Variants in GBE1 observed in about 807,000 individuals in gnomAD.
The protein encoded by GBE1 is 1,4-alpha-glucan-branching enzyme.
A neutral mutation model predicts 88.8 loss-of-function variants in GBE1; 70 were observed. The observed-to-expected ratio is 0.79, with a 90% CI of 0.65 to 0.96. The LOEUF is 0.96. GBE1 is among the 40% of genes least tolerant of loss of function. GBE1 has a pLI of 0.00. For synonymous variants in GBE1, 284 were observed against 300.1 expected (o/e 0.95, Z 0.56); for missense variants, 872 against 871.0 (o/e 1.00, Z -0.01).
intron 15 of GBE1, among the ~76,000 whole-genome samples, chr3:81,495,971 C>T (rs1294380442): frequency 2.0e-5 from 3 of 152,106 alleles, no homozygotes; most frequent in Non-Finnish European, 4.4e-5. Context: ...CATTCAGTTA[C>T]CGTAAAGAAA....
chr3:81,753,682 A>G (rs1027087733), intron 1 of GBE1, among the ~76,000 whole-genome samples: 1 of 152,208 alleles, frequency 6.6e-6, no homozygotes, highest in Non-Finnish European at 1.5e-5. Flanking sequence ...TGAAAATGAG[A>G]AGAGGTCAGA....
At chr3:81,515,771 G>C (rs749179467) in intron 14 of GBE1, among the ~76,000 whole-genome samples, 7 of 151,540 alleles carry the variant, frequency 4.6e-5, no homozygotes, top group Non-Finnish European at 1.0e-4. Flanking sequence ...TGAGTGATAG[G>C]ACAGTGAACA....
At chr3:81,725,245 C>A (rs1344004991) in intron 1 of GBE1, among the ~76,000 whole-genome samples, 1 of 151,980 alleles carries the variant, frequency 6.6e-6, no homozygotes, top group African/African-American at 2.4e-5. Context: ...AACTTTTGGA[C>A]TCTTTTGTAA....
Position 81,741,846 on chromosome 3 carries a change from AAT to A in GBE1, c.143+19527_143+19528del, listed in dbSNP as rs976700554. On this transcript the variant is annotated intron_variant, in intron 1 of 15. Coordinates refer to ENST00000429644, the MANE Select transcript of GBE1 (RefSeq NM_000158.4). ...TATACATATTATATAGATTATATAT[AAT>A]ATATAGTTTTTTATATATAATATAT... 6.9e-3 allele frequency among the ~76,000 whole-genome samples: 1,025 copies of A among 147,772 alleles called. 11 individuals carry two copies. Among genetic ancestry groups the A allele is most frequent in the African/African-American group, 0.024 (966 of 40,824 alleles).
intron 3 of GBE1, among the ~76,000 whole-genome samples, chr3:81,655,764 C>A (rs1704930423): frequency 6.6e-6 from 1 of 152,202 alleles, no homozygotes; most frequent in Non-Finnish European, 1.5e-5. Context: ...AGGTGATCCA[C>A]ATGCCTCGGT....
In GBE1 at chr3:81,586,204, C is replaced by G. The variant is rs745815258; in HGVS notation, c.1237-14G>C. The G allele has an allele frequency of 6.6e-7, 1 of 1,520,960 alleles. No individual in the cohort carries two copies. The highest frequency in any genetic ancestry group is 9.0e-7 in the Non-Finnish European group (1 of 1,110,678). 94.2% of individuals were successfully genotyped at this position (1,520,960 alleles called of 1,614,324 possible). A position where few individuals can be genotyped will look rare whatever the true frequency, so the allele number is the denominator to read the frequency against. On this transcript the variant is annotated splice_polypyrimidine_tract_variant and intron_variant, in intron 9 of 15. Transcript: ENST00000429644. ...TCCTGATACATCCTACAACAAAGAA[C>G]GTCGGTTCATAATGATCAAACTTTT...
chr3:81,732,339 A>G (rs1262617596), intron 1 of GBE1, among the ~76,000 whole-genome samples: 1 of 152,150 alleles, frequency 6.6e-6, no homozygotes, highest in African/African-American at 2.4e-5. Flanking sequence ...AAAATCCCAG[A>G]TTCACATATA....
intron 1 of GBE1, among the ~76,000 whole-genome samples, chr3:81,746,717 G>C (rs1706425014): frequency 6.6e-6 from 1 of 152,028 alleles, no homozygotes; most frequent in South Asian, 2.1e-4. Context: ...TGACACGACA[G>C]AAAAATATGA....
At chr3:81,737,341 A>T (rs1385000872) in intron 1 of GBE1, among the ~76,000 whole-genome samples, 8 of 128,258 alleles carry the variant, frequency 6.2e-5, no homozygotes, top group Admixed American at 2.5e-4. Flanking sequence ...TTTTATATAT[A>T]TTTATATAAA....
chr3:81,750,661 A>G lies in GBE1; in HGVS notation c.143+10714T>C, dbSNP rs13067686. Reference sequence around the variant, plus strand: ...TATATATATGTATATATATATATGTATATATATATATACGTATATATATAT... The same window carrying G: ...TATATATATGTATATATATATATGTGTATATATATATACGTATATATATAT... On this transcript the variant is annotated intron_variant, in intron 1 of 15. Transcript: ENST00000429644. Among the ~76,000 whole-genome samples, 72 of 77,816 alleles carry G rather than the reference A, an allele frequency of 9.3e-4. 7 individuals are homozygous for G. The highest frequency in any genetic ancestry group is 5.0e-3 in the Middle Eastern group (1 of 200). 51.1% of individuals were successfully genotyped at this position (77,816 alleles called of 152,430 possible).
intron 10 of GBE1, among the ~76,000 whole-genome samples, chr3:81,583,209 T>C (rs916309850): frequency 6.6e-6 from 1 of 152,022 alleles, no homozygotes; most frequent in African/African-American, 2.4e-5. Context: ...AAATAAAACA[T>C]AGTGACAACA....
chr3:81,754,046 A>G (rs1447659676), intron 1 of GBE1, among the ~76,000 whole-genome samples: 1 of 152,218 alleles, frequency 6.6e-6, no homozygotes, highest in African/African-American at 2.4e-5. Flanking sequence ...ACATGATTAT[A>G]TACCTACAAA....
At chr3:81,605,419 A>C (rs1181035606) in intron 7 of GBE1, among the ~76,000 whole-genome samples, 10 of 152,182 alleles carry the variant, frequency 6.6e-5, no homozygotes, top group Admixed American at 6.6e-4. Flanking sequence ...GTGTCACCAA[A>C]ATATGGCTAC....
intron 12 of GBE1, among the ~76,000 whole-genome samples, chr3:81,548,295 A>T: frequency 6.6e-6 from 1 of 151,522 alleles, no homozygotes; most frequent in East Asian, 1.9e-4. Context: ...CAAACATTAA[A>T]TTTGGGTAGA....
At chr3:81,620,409 C>A (rs574977683) in intron 7 of GBE1, among the ~76,000 whole-genome samples, 1 of 152,084 alleles carries the variant, frequency 6.6e-6, no homozygotes, top group East Asian at 1.9e-4. Flanking sequence ...GTCTTGAACT[C>A]CTGACCTCGT....
chr3:81,532,491 A>G (rs1348866750), intron 14 of GBE1, among the ~76,000 whole-genome samples: 1 of 151,944 alleles, frequency 6.6e-6, no homozygotes, highest in Non-Finnish European at 1.5e-5. Flanking sequence ...TTTCTATTCT[A>G]TTGACATTAC....
intron 2 of GBE1, among the ~76,000 whole-genome samples, chr3:81,700,738 T>C (rs139372610): frequency 4.6e-5 from 7 of 152,258 alleles, no homozygotes; most frequent in Admixed American, 4.6e-4. Flanking sequence ...AGTTAAAAAC[T>C]TCTTCTTGCT....
intron 12 of GBE1, among the ~76,000 whole-genome samples, chr3:81,575,198 G>A (rs573742463): frequency 6.7e-6 from 1 of 150,358 alleles, no homozygotes; most frequent in East Asian, 1.9e-4. Context: ...ATGCTATGTC[G>A]ATGTTACTGA....
At chr3:81,622,361 C>G (rs969689459) in intron 7 of GBE1, among the ~76,000 whole-genome samples, 1 of 152,214 alleles carries the variant, frequency 6.6e-6, no homozygotes. Context: ...TAGGTCCTCC[C>G]ATTTCACCTG....
Sources: gnomAD v4.1 joint callset for allele counts (sites outside exome capture counted in the v4.1 genomes callset) on GRCh38, gnomAD v4.1.1 for gene constraint, MANE v1.5 for transcripts, NCBI Gene and HGNC (gene_info 2026-07-23, HGNC 2026-07-21) for gene names.